SDK1: variants seen among roughly 807,000 people sequenced by gnomAD.
SDK1 encodes sidekick cell adhesion molecule 1, also known as protein sidekick-1.
Under a neutral mutation model 245.5 loss-of-function variants are expected in SDK1, and 157 were observed. That is an observed-to-expected ratio of 0.64 (90% CI 0.56 to 0.73). The LOEUF (loss-of-function observed/expected upper bound fraction) is 0.73. SDK1 is among the 30% of genes least tolerant of loss of function. The pLI, the probability that SDK1 is intolerant of heterozygous loss-of-function variation, is 0.00. For missense variants in SDK1, 3,583 were observed against 3,002.3 expected, an observed-to-expected ratio of 1.19 and a Z score of -4.52; for synonymous variants, 1,647 against 1,278.5, an observed-to-expected ratio of 1.29 and a Z score of -6.15.
At chr7:4,143,072 A>G (rs1379517264) in intron 28 of SDK1, among the ~76,000 whole-genome samples, 1 of 152,012 alleles carries the variant, frequency 6.6e-6, no homozygotes, top group Non-Finnish European at 1.5e-5. Flanking sequence ...TAGGTAGTTA[A>G]CTCAATCAGG....
chr7:3,975,036 T>G (rs1012994783), intron 13 of SDK1, among the ~76,000 whole-genome samples: 2 of 151,968 alleles, frequency 1.3e-5, no homozygotes, highest in Admixed American at 1.3e-4. Context: ...TCTTGTGAAA[T>G]CTTGAAAACA....
chr7:3,438,588 G>C (rs548796961), intron 1 of SDK1, among the ~76,000 whole-genome samples: 55 of 152,290 alleles, frequency 3.6e-4, no homozygotes, highest in Admixed American at 1.4e-3. Flanking sequence ...TTGGTCAGTA[G>C]GATGGTTAAG....
intron 1 of SDK1, among the ~76,000 whole-genome samples, chr7:3,529,866 A>G (rs1297963649): frequency 6.6e-6 from 1 of 152,136 alleles, no homozygotes; most frequent in Non-Finnish European, 1.5e-5. Flanking sequence ...TGCTGACAAA[A>G]TTGTATTCCT....
chr7:3,803,418 C>T (rs1171830913), intron 4 of SDK1, among the ~76,000 whole-genome samples: 1 of 151,378 alleles, frequency 6.6e-6, no homozygotes, highest in Non-Finnish European at 1.5e-5. Context: ...TCAAGCAATT[C>T]TCCCACCTCA....
intron 1 of SDK1, among the ~76,000 whole-genome samples, chr7:3,321,486 G>T (rs1779800697): frequency 6.6e-6 from 1 of 152,122 alleles, no homozygotes; most frequent in South Asian, 2.1e-4. Flanking sequence ...GGAACTCAGT[G>T]CACTTATTTG....
At position 3,639,031 on chromosome 7, in the gene SDK1, C is replaced by G. The variant is rs200504807; in HGVS notation, c.486C>G (p.Leu162=). The G allele has an allele frequency of 6.2e-7, 1 of 1,604,212 alleles. No homozygotes were observed. The highest frequency in any genetic ancestry group is 8.5e-7 in the Non-Finnish European group (1 of 1,172,726). ...YKYIIPSLQK[L]DAGFYRCVVR... ...ACATTATTCCATCTTTGCAGAAGCTCGATGCTGGGTTTTACCGCTGCGTGG... is the reference window on the plus strand; with the variant it reads ...ACATTATTCCATCTTTGCAGAAGCTGGATGCTGGGTTTTACCGCTGCGTGG... Residue 162 remains leucine, a synonymous_variant, in exon 3 of 45, where the codon CTC becomes CTG. Transcript: ENST00000404826.
intron 14 of SDK1, among the ~76,000 whole-genome samples, chr7:3,993,897 G>A (rs558354249): frequency 4.7e-4 from 71 of 152,256 alleles, no homozygotes; most frequent in Non-Finnish European, 9.1e-4. Flanking sequence ...GAGCTCCACT[G>A]AGTCCACATC....
intron 25 of SDK1, among the ~76,000 whole-genome samples, chr7:4,116,325 C>T (rs910987157): frequency 1.3e-5 from 2 of 152,188 alleles, no homozygotes; most frequent in East Asian, 1.9e-4. Flanking sequence ...CCTCCACCCT[C>T]GAGACAGCCA....
chr7:3,932,015 T>A (rs374967857), intron 5 of SDK1, among the ~76,000 whole-genome samples: 1 of 152,216 alleles, frequency 6.6e-6, no homozygotes, highest in East Asian at 1.9e-4. Flanking sequence ...TTGGTTTGGA[T>A]TGATAGTTTG....
chr7:3,618,560 T>C (rs975931423), intron 1 of SDK1, among the ~76,000 whole-genome samples: 1 of 152,256 alleles, frequency 6.6e-6, no homozygotes, highest in Non-Finnish European at 1.5e-5. Flanking sequence ...TCCTGTGTTG[T>C]ATCCCATTGA....
intron 5 of SDK1, among the ~76,000 whole-genome samples, chr7:3,850,201 C>T (rs1193740102): frequency 6.6e-6 from 1 of 152,226 alleles, no homozygotes; most frequent in African/African-American, 2.4e-5. Flanking sequence ...TCATCAGGCA[C>T]ATGGCTTTGG....
chr7:4,161,892 T>C (rs776118113), intron 32 of SDK1, 36 bp downstream of exon 32: 2 of 1,571,834 alleles, frequency 1.3e-6, no homozygotes, highest in Non-Finnish European at 1.8e-6. Flanking sequence ...TTTTGTCAAA[T>C]GTGTTCTCAT....
intron 1 of SDK1, among the ~76,000 whole-genome samples, chr7:3,516,118 CTTTT>C (rs11371619): frequency 1.4e-5 from 2 of 140,008 alleles, no homozygotes; most frequent in African/African-American, 2.6e-5. Context: ...AAGATATTTT[CTTTT>C]TTTTTTTTTG....
intron 4 of SDK1, among the ~76,000 whole-genome samples, chr7:3,799,984 C>G (rs1036098833): frequency 2.6e-5 from 4 of 152,050 alleles, no homozygotes; most frequent in Admixed American, 6.5e-5. Flanking sequence ...TTTCCCAGAA[C>G]TTTGTTACTG....
chr7:4,161,793 A>C lies in SDK1; in HGVS notation c.4737A>C (p.Gly1579=). Reference sequence around the variant, plus strand: ...CTCTCCTGTGTGTTTCAGTTCCAGGAGAGCCCCCGGGATCTGTCTCAGCGA... The same window carrying C: ...CTCTCCTGTGTGTTTCAGTTCCAGGCGAGCCCCCGGGATCTGTCTCAGCGA... ...EAVTTLQDVP[G]EPPGSVSATP... Residue 1579 remains glycine (G), a synonymous_variant, in exon 32 of 45, where the codon GGA becomes GGC. Transcript: ENST00000404826. 1.2e-6 allele frequency: 2 copies of C among 1,612,944 alleles called. No homozygotes were observed. Among genetic ancestry groups the C allele is most frequent in the Non-Finnish European group, 1.7e-6 (2 of 1,179,336 alleles).
chr7:4,068,035 T>G (rs1481787146), intron 20 of SDK1, 99 bp downstream of exon 20: 4 of 799,094 alleles, frequency 5.0e-6, no homozygotes, highest in East Asian at 2.7e-5. Flanking sequence ...CATGGACCCG[T>G]GCCCATGGCC....
chr7:3,351,143 A>C (rs1321234061), intron 1 of SDK1, among the ~76,000 whole-genome samples: 1 of 152,198 alleles, frequency 6.6e-6, no homozygotes, highest in Non-Finnish European at 1.5e-5. Context: ...GTCATTTTTA[A>C]TGGGCAGCCT....
At chr7:4,080,247 C>T (rs1055028593) in intron 22 of SDK1, among the ~76,000 whole-genome samples, 6 of 152,084 alleles carry the variant, frequency 3.9e-5, no homozygotes, top group East Asian at 1.9e-4. Context: ...CGCCGAGAGA[C>T]TTCCGGTCCG....
intron 1 of SDK1, among the ~76,000 whole-genome samples, chr7:3,435,514 TATG>T (rs1427708819): frequency 6.6e-6 from 1 of 150,390 alleles, no homozygotes; most frequent in African/African-American, 2.5e-5. Context: ...TGATTATGAT[TATG>T]ATTATTATTA....
Sources: gnomAD v4.1 joint callset for allele counts (sites outside exome capture counted in the v4.1 genomes callset) on GRCh38, gnomAD v4.1.1 for gene constraint, MANE v1.5 for transcripts, NCBI Gene and HGNC (gene_info 2026-07-23, HGNC 2026-07-21) for gene names.